GASK1A: variants seen among roughly 807,000 people sequenced by gnomAD.
The protein encoded by GASK1A is Golgi-associated kinase 1A.
A neutral mutation model predicts 41.2 loss-of-function variants in GASK1A; 40 were observed. That is an observed-to-expected ratio of 0.97 (90% CI 0.75 to 1.27). The LOEUF (loss-of-function observed/expected upper bound fraction) is 1.27, where lower values mean the gene tolerates loss of function less well. GASK1A is among the 50% of genes most tolerant of loss of function. The probability of loss-of-function intolerance (pLI) is 0.00; values close to 1 mark genes in which losing one functional copy is unlikely to be tolerated. For missense variants in GASK1A, 678 were observed against 745.1 expected (o/e 0.91, Z 1.05); for synonymous variants, 316 against 307.1 (o/e 1.03, Z -0.30).
intron 1 of GASK1A, among the ~76,000 whole-genome samples, chr3:43,017,627 G>C (rs2089499247): frequency 6.6e-6 from 1 of 151,050 alleles, no homozygotes; most frequent in Non-Finnish European, 1.5e-5. Context: ...GCAATGGGAA[G>C]TCACAGGGAG....
At chr3:43,004,044 C>T (rs972861167) in intron 1 of GASK1A, among the ~76,000 whole-genome samples, 27 of 152,142 alleles carry the variant, frequency 1.8e-4, no homozygotes, top group Admixed American at 3.3e-4. Flanking sequence ...GTAACATTTA[C>T]CTGCTCTCTG....
At chr3:43,038,060 A>G (rs1184031913) in intron 2 of GASK1A, among the ~76,000 whole-genome samples, 1 of 152,234 alleles carries the variant, frequency 6.6e-6, no homozygotes, top group Non-Finnish European at 1.5e-5. Context: ...AATATACATC[A>G]TACGTACTTT....
chr3:43,032,185 T>C, intron 1 of GASK1A, 82 bp from the exon 2 acceptor site: 1 of 1,139,844 alleles, frequency 8.8e-7, no homozygotes, highest in Admixed American at 2.7e-5. Flanking sequence ...AGCACCTCAT[T>C]TGCTTACCAT....
chr3:42,998,073 A>G lies in GASK1A; in HGVS notation c.3+18428A>G, dbSNP rs180699318. Among the ~76,000 whole-genome samples the G allele has an allele frequency of 2.3e-3, 350 of 152,266 alleles. 5 individuals are homozygous for G. Among genetic ancestry groups the G allele is most frequent in the African/African-American group, 8.0e-3 (334 of 41,544 alleles). On this transcript the variant is annotated intron_variant, in intron 1 of 4. Coordinates refer to ENST00000430121, the MANE Select transcript of GASK1A (RefSeq NM_001129908.3). ...GGGGTATTAGCGTCCCAGCAGGCACACTGCTGCTGACCACTTCTGAAGTCC... is the reference window on the plus strand; with the variant it reads ...GGGGTATTAGCGTCCCAGCAGGCACGCTGCTGCTGACCACTTCTGAAGTCC...
chr3:42,995,266 G>C (rs1276920441), intron 1 of GASK1A, among the ~76,000 whole-genome samples: 1 of 152,184 alleles, frequency 6.6e-6, no homozygotes. Context: ...GATGCCAAAG[G>C]CAACTGTCCT....
Position 43,022,492 on chromosome 3 carries a change from G to GA in GASK1A, c.4-9762dup, listed in dbSNP as rs71616074. ...ATTCAACACATTTTTCATTGTAGAAGAAAAAAAAAAAAACCAAGCCAACTT... is the reference window on the plus strand; with the variant it reads ...ATTCAACACATTTTTCATTGTAGAAGAAAAAAAAAAAAAACCAAGCCAACTT... On this transcript the variant is annotated intron_variant, in intron 1 of 4. Coordinates refer to ENST00000430121, the MANE Select transcript of GASK1A (RefSeq NM_001129908.3). 4.0e-3 allele frequency among the ~76,000 whole-genome samples: 555 copies of GA among 139,976 alleles called. 2 individuals carry two copies. Among genetic ancestry groups the GA allele is most frequent in the East Asian group, 0.024 (115 of 4,876 alleles). 91.8% of individuals were successfully genotyped at this position (139,976 alleles called of 152,430 possible). A position where few individuals can be genotyped will look rare whatever the true frequency, so the allele number is the denominator to read the frequency against.
chr3:42,983,288 G>T (rs1213719832), intron 1 of GASK1A, among the ~76,000 whole-genome samples: 1 of 152,172 alleles, frequency 6.6e-6, no homozygotes, highest in Non-Finnish European at 1.5e-5. Context: ...CAAAGGTGCT[G>T]TAAGATTGGG....
intron 1 of GASK1A, among the ~76,000 whole-genome samples, chr3:42,990,770 C>T (rs563819768): frequency 6.2e-4 from 95 of 152,252 alleles, no homozygotes; most frequent in African/African-American, 2.2e-3. Flanking sequence ...TGTTGTTCTG[C>T]AGGCCAGGTG....
intron 1 of GASK1A, among the ~76,000 whole-genome samples, chr3:43,015,615 G>A (rs186581316): frequency 3.3e-5 from 5 of 151,698 alleles, no homozygotes; most frequent in Non-Finnish European, 5.9e-5. Context: ...CACAGGAAGC[G>A]GGTGTGTGAA....
intron 1 of GASK1A, among the ~76,000 whole-genome samples, chr3:42,982,382 T>A (rs1038107780): frequency 6.6e-6 from 1 of 152,224 alleles, no homozygotes; most frequent in African/African-American, 2.4e-5. Flanking sequence ...ATACACAACT[T>A]CTACAGGAAC....
chr3:43,018,274 T>C (rs2089504669), intron 1 of GASK1A, among the ~76,000 whole-genome samples: 1 of 152,334 alleles, frequency 6.6e-6, no homozygotes, highest in African/African-American at 2.4e-5. Context: ...ATTTCTACCA[T>C]TGTAACATTA....
At chr3:43,029,610 G>T (rs1328319251) in intron 1 of GASK1A, among the ~76,000 whole-genome samples, 1 of 152,176 alleles carries the variant, frequency 6.6e-6, no homozygotes, top group Non-Finnish European at 1.5e-5. Context: ...TCCTGCAGCT[G>T]AGGTGTTTGG....
chr3:42,999,050 C>G (rs2089392526), intron 1 of GASK1A, among the ~76,000 whole-genome samples: 1 of 151,756 alleles, frequency 6.6e-6, no homozygotes, highest in African/African-American at 2.4e-5. Context: ...AAATTAAAGT[C>G]TCATGAAATA....
At position 43,036,567 on chromosome 3, in the gene GASK1A, A is replaced by C. The variant is rs555534145; in HGVS notation, c.1290+3014A>C. The stretch of plus-strand genomic sequence containing the variant: ...CTGTGCTTCACAAATCCCATATAAC[A>C]CTCTGTATTAGTTAGTGATTGCTGA... On this transcript the variant is annotated intron_variant, in intron 2 of 4. Transcript: ENST00000430121. Among the ~76,000 whole-genome samples, 12 of 152,138 alleles carry C rather than the reference A, an allele frequency of 7.9e-5. No homozygotes were observed. In the South Asian group the frequency reaches 2.3e-3, roughly 29 times the overall value.
At position 43,002,739 on chromosome 3, in the gene GASK1A, T is replaced by G. The variant is rs563095055; in HGVS notation, c.3+23094T>G. Among the ~76,000 whole-genome samples, 10 of 152,344 alleles carry G rather than the reference T, an allele frequency of 6.6e-5. No individual in the cohort carries two copies. In the South Asian group the frequency reaches 2.1e-3, roughly 32 times the overall value. ...TATCAGGTTAAATAAAATATATTATTAAAATGAGTTTCAATTGTTTCTTTT... is the reference window on the plus strand; with the variant it reads ...TATCAGGTTAAATAAAATATATTATGAAAATGAGTTTCAATTGTTTCTTTT... On this transcript the variant is annotated intron_variant, in intron 1 of 4. Coordinates refer to ENST00000430121, the MANE Select transcript of GASK1A (RefSeq NM_001129908.3).
intron 3 of GASK1A, 89 bp from the exon 4 acceptor site, chr3:43,055,343 G>C (rs2089710631): frequency 1.1e-6 from 1 of 888,100 alleles, no homozygotes; most frequent in Non-Finnish European, 1.8e-6. Flanking sequence ...GCTCAGGGCT[G>C]TCAGCCCCTT....
In GASK1A at chr3:43,033,015, C is replaced by T. The variant is rs1185411814; in HGVS notation, c.752C>T (p.Ser251Leu). ...GATGCTGAGACGCTGTTGAGCAGCT[C>T]GAGGACTGGTGGGCAGGCTCCCCCA... is the stretch of plus-strand genomic sequence containing the variant. The part of the protein sequence containing the change: ...WCDAETLLSS[S>L]RTGGQAPPWL... The change falls in exon 2 of 5, where the codon TCG (serine) becomes TTG (leucine). Residue 251 changes from serine (S) to leucine (L), a missense_variant. By Grantham distance (145) the Ser-to-Leu change is moderately radical. Coordinates refer to ENST00000430121, the MANE Select transcript of GASK1A (RefSeq NM_001129908.3). The T allele has an allele frequency of 1.4e-5, 22 of 1,551,532 alleles. No homozygotes were observed. The highest frequency in any genetic ancestry group is 3.3e-4 in the Middle Eastern group (2 of 6,012).
chr3:43,056,028 G>A (rs1575454761), intron 4 of GASK1A, 148 bp from the exon 5 acceptor site: 1 of 640,886 alleles, frequency 1.6e-6, no homozygotes, highest in Non-Finnish European at 2.7e-6. Context: ...GAGATAGCAG[G>A]TGCAGGTCTG....
At chr3:43,043,547 C>A (rs932039451) in intron 2 of GASK1A, among the ~76,000 whole-genome samples, 2 of 152,186 alleles carry the variant, frequency 1.3e-5, no homozygotes, top group Non-Finnish European at 2.9e-5. Flanking sequence ...GGGACTGGAT[C>A]ACATTACTCA....
Sources: allele counts gnomAD v4.1 joint callset (sites outside exome capture counted in the v4.1 genomes callset), GRCh38; gene constraint gnomAD v4.1.1; transcripts MANE v1.5; gene names NCBI Gene and HGNC (gene_info 2026-07-23, HGNC 2026-07-21).